Variants in SCRG1 observed in about 807,000 individuals in gnomAD.
SCRG1 encodes scrapie-responsive protein 1.
Under a neutral mutation model 7.7 loss-of-function variants are expected in SCRG1, and 3 were observed. The observed-to-expected ratio is 0.39, with a 90% confidence interval of 0.18 to 1.01. The LOEUF (loss-of-function observed/expected upper bound fraction) is 1.01. Among genes scored for constraint, SCRG1 ranks in the 50% least tolerant of loss-of-function variants. The pLI, the probability that SCRG1 is intolerant of heterozygous loss-of-function variation, is 0.36. For synonymous variants in SCRG1, 46 were observed against 41.2 expected (o/e 1.12, Z -0.44); for missense variants, 110 against 117.2 (o/e 0.94, Z 0.28).
chr4:173,392,424 C>CCATTGATA (rs1480131402), intron 1 of SCRG1, among the ~76,000 whole-genome samples: 1 of 152,148 alleles, frequency 6.6e-6, no homozygotes, highest in Non-Finnish European at 1.5e-5. Context: ...TCAACATATC[C>CCATTGATA]CATTGATACA....
the SCRG1 span, among the ~76,000 whole-genome samples, chr4:173,411,960 C>G: frequency 6.6e-6 from 1 of 152,296 alleles, no homozygotes; most frequent in South Asian, 2.1e-4. Context: ...TTTTTCACCT[C>G]ATCTGTGTAC....
At chr4:173,489,510 A>ATT in the SCRG1 span, among the ~76,000 whole-genome samples, 84 of 134,950 alleles carry the variant, frequency 6.2e-4, no homozygotes, top group African/African-American at 1.9e-3. Context: ...TGCGTTTCTA[A>ATT]TTTTTTTTTT....
chr4:173,456,556 G>T, the SCRG1 span, among the ~76,000 whole-genome samples: 2 of 152,124 alleles, frequency 1.3e-5, no homozygotes, highest in South Asian at 4.1e-4. Flanking sequence ...AACATTTTGG[G>T]TTCCTTTATC....
chr4:173,481,239 T>C, the SCRG1 span, among the ~76,000 whole-genome samples: 1 of 152,178 alleles, frequency 6.6e-6, no homozygotes, highest in African/African-American at 2.4e-5. Context: ...CAGTGTCTGG[T>C]GTTTATGTTT....
chr4:173,441,761 A>G, the SCRG1 span, among the ~76,000 whole-genome samples: 4 of 152,156 alleles, frequency 2.6e-5, no homozygotes, highest in East Asian at 1.9e-4. Flanking sequence ...TGTGATCCCA[A>G]TGCTTTGGAA....
the SCRG1 span, among the ~76,000 whole-genome samples, chr4:173,456,559 C>T: frequency 2.6e-5 from 4 of 152,138 alleles, no homozygotes; most frequent in Admixed American, 2.6e-4. Context: ...ATTTTGGGTT[C>T]CTTTATCATT....
chr4:173,512,015 A>C, the SCRG1 span, among the ~76,000 whole-genome samples: 1 of 152,212 alleles, frequency 6.6e-6, no homozygotes, highest in Non-Finnish European at 1.5e-5. Context: ...ATCAGAACAC[A>C]AGCATCAGAC....
the SCRG1 span, among the ~76,000 whole-genome samples, chr4:173,501,085 C>T: frequency 6.6e-6 from 1 of 152,182 alleles, no homozygotes; most frequent in Non-Finnish European, 1.5e-5. This position sits in a 1 kb window ranked among gnomAD's most constrained non-coding sequence, Gnocchi z 5.1. Context: ...TGACGCTTTG[C>T]AGACTGGGGC....
the SCRG1 span, among the ~76,000 whole-genome samples, chr4:173,416,466 A>G: frequency 6.6e-6 from 1 of 152,166 alleles, no homozygotes; most frequent in Admixed American, 6.5e-5. Context: ...CAAATTTCAA[A>G]CTCCAGTGCC....
At chr4:173,493,783 T>A in the SCRG1 span, among the ~76,000 whole-genome samples, 2 of 152,186 alleles carry the variant, frequency 1.3e-5, no homozygotes, top group Admixed American at 1.3e-4. Context: ...TTTATTGAAT[T>A]CATCTTAATT....
the SCRG1 span, among the ~76,000 whole-genome samples, chr4:173,477,705 CCCTTCCTTCCTTCCTTCCTTCCTT>C: frequency 0.1 from 13,202 of 128,294 alleles, 785 homozygotes; most frequent in Middle Eastern, 0.16. Context: ...TCTTTTTTTT[CCCTTCCTTCCTTCCTTCCTTCCTT>C]CCTTCCTTCC....
chr4:173,479,671 C>T, the SCRG1 span, among the ~76,000 whole-genome samples: 1 of 151,950 alleles, frequency 6.6e-6, no homozygotes, highest in Non-Finnish European at 1.5e-5. Context: ...AAACTCCTGA[C>T]CTCAGTGATC....
chr4:173,436,998 C>G, the SCRG1 span, among the ~76,000 whole-genome samples: 1 of 152,194 alleles, frequency 6.6e-6, no homozygotes, highest in South Asian at 2.1e-4. Flanking sequence ...TCATTTGCTT[C>G]CATACCCAAA....
At chr4:173,435,478 GT>G in the SCRG1 span, among the ~76,000 whole-genome samples, 2 of 152,194 alleles carry the variant, frequency 1.3e-5, no homozygotes, top group African/African-American at 4.8e-5. Context: ...GGATATGAGT[GT>G]CTAAAGTGGG....
At chr4:173,399,117 C>T (rs1223106215), upstream of SCRG1, 1 of 152,194 alleles carries the variant, frequency 6.6e-6, no homozygotes, top group African/African-American at 2.4e-5. Flanking sequence ...CTTAAATGCT[C>T]ACACTCACTG....
chr4:173,473,764 C>T, the SCRG1 span, among the ~76,000 whole-genome samples: 1 of 152,278 alleles, frequency 6.6e-6, no homozygotes, highest in South Asian at 2.1e-4. Flanking sequence ...CCAGAGGCCT[C>T]ACTCTGTTGT....
chr4:173,470,032 A>G, the SCRG1 span: 9 of 151,408 alleles, frequency 5.9e-5, no homozygotes, highest in African/African-American at 2.2e-4. Context: ...GAATGCCCAG[A>G]CAGAGTCAGG....
the SCRG1 span, among the ~76,000 whole-genome samples, chr4:173,478,846 G>T: frequency 6.6e-6 from 1 of 152,184 alleles, no homozygotes; most frequent in African/African-American, 2.4e-5. Flanking sequence ...AACGGACACA[G>T]ACTTTAGGAA....
At chr4:173,416,288 A>G in the SCRG1 span, among the ~76,000 whole-genome samples, 730 of 152,306 alleles carry the variant, frequency 4.8e-3, 13 homozygotes, top group East Asian at 0.022. Flanking sequence ...CTCACTCCCA[A>G]CGCACGGCTC....
Sources: gnomAD v4.1 joint callset for allele counts (sites outside exome capture counted in the v4.1 genomes callset) on GRCh38, gnomAD v4.1.1 for gene constraint, Gnocchi (gnomAD v3.1) non-coding constraint, MANE v1.5 for transcripts, NCBI Gene and HGNC (gene_info 2026-07-23, HGNC 2026-07-21) for gene names.